Variants in PXYLP1 observed in about 807,000 individuals in gnomAD.
PXYLP1 encodes 2-phosphoxylose phosphatase 1.
Under a neutral mutation model 37.9 loss-of-function variants are expected in PXYLP1, and 17 were observed. The observed-to-expected ratio is 0.45, with a 90% CI of 0.31 to 0.67. The LOEUF is 0.67. Among genes scored for constraint, PXYLP1 ranks in the 30% least tolerant of loss-of-function variants. PXYLP1 has a pLI of 0.07. For missense variants in PXYLP1, 511 were observed against 612.0 expected, an observed-to-expected ratio of 0.84 and a Z score of 1.74; for synonymous variants, 221 against 232.2, an observed-to-expected ratio of 0.95 and a Z score of 0.44.
chr3:141,292,234 G>A lies in PXYLP1; in HGVS notation c.506-34G>A. The A allele has an allele frequency of 1.3e-6, 2 of 1,545,006 alleles. No individual in the cohort carries two copies. Among genetic ancestry groups the A allele is most frequent in the Admixed American group, 4.0e-5 (2 of 50,552 alleles). On this transcript the variant is annotated intron_variant, in intron 5 of 5. Coordinates refer to ENST00000286353, the MANE Select transcript of PXYLP1 (RefSeq NM_001037172.3). The surrounding 1 kb of genome is among the most constrained non-coding windows in gnomAD (Gnocchi z 4.3). Reference sequence around the variant, plus strand: ...CCTTGCTGTTTCTTTTGCTCAGCTGGAAGTAAGGTAAGCTTTGTGTGCTTG... The same window carrying A: ...CCTTGCTGTTTCTTTTGCTCAGCTGAAAGTAAGGTAAGCTTTGTGTGCTTG...
chr3:141,246,963 C>T (rs1006421749), intron 1 of PXYLP1, among the ~76,000 whole-genome samples: 3 of 152,240 alleles, frequency 2.0e-5, no homozygotes, highest in African/African-American at 7.2e-5. Context: ...CTCAGCTCAC[C>T]AGAGTCCTCC....
chr3:141,245,815 T>C (rs960033841), intron 1 of PXYLP1, among the ~76,000 whole-genome samples: 1 of 152,250 alleles, frequency 6.6e-6, no homozygotes, highest in Non-Finnish European at 1.5e-5. Flanking sequence ...ATATGGATAT[T>C]GTATACTCTG....
At chr3:141,273,834 G>T in intron 2 of PXYLP1, 1 of 985,288 alleles carries the variant, frequency 1.0e-6, no homozygotes, top group Non-Finnish European at 1.2e-6. Flanking sequence ...ATGCCCGTTG[G>T]TACAGAGTTA....
chr3:141,248,610 C>CACGTATATATACACACGT (rs1553751320), intron 1 of PXYLP1, among the ~76,000 whole-genome samples: 1 of 112,426 alleles, frequency 8.9e-6, no homozygotes, highest in Non-Finnish European at 1.8e-5. Flanking sequence ...TATATACACA[C>CACGTATATATACACACGT]GTATATATAC....
chr3:141,274,089 G>C, intron 2 of PXYLP1: 1 of 992,538 alleles, frequency 1.0e-6, no homozygotes, highest in Non-Finnish European at 1.2e-6. Flanking sequence ...CCACAGGACA[G>C]CTAGAGGCAC....
rs1248731642 is a variant in PXYLP1 at position 141,292,831 on chromosome 3, A to G, written c.1069A>G (p.Ile357Val). 2.7e-5 allele frequency: 43 copies of G among 1,613,670 alleles called. No homozygotes were observed. Among genetic ancestry groups the G allele is most frequent in the Non-Finnish European group, 3.6e-5 (42 of 1,179,906 alleles). Residue 357 changes from isoleucine to valine, a missense_variant, in exon 6 of 6, where the codon ATC becomes GTC. Physicochemically the swap from Ile to Val is conservative, Grantham distance 29. Coordinates refer to ENST00000286353, the MANE Select transcript of PXYLP1 (RefSeq NM_001037172.3). This position sits in a 1 kb window ranked among gnomAD's most constrained non-coding sequence, Gnocchi z 4.3. The stretch of plus-strand genomic sequence containing the variant: ...TGCCCACCCCATCCTGAACCAAACC[A>G]TCGGCCGGATGCAGCGTGCCACCGA... ...LGAHPILNQT[I>V]GRMQRATEGR...
At chr3:141,290,920 C>T (rs550527334) in intron 5 of PXYLP1, among the ~76,000 whole-genome samples, 1 of 152,310 alleles carries the variant, frequency 6.6e-6, no homozygotes, top group South Asian at 2.1e-4. Context: ...ATAGGCCCCG[C>T]AGTGAACTAG....
intron 4 of PXYLP1, among the ~76,000 whole-genome samples, chr3:141,286,871 A>G (rs140367186): frequency 8.1e-4 from 123 of 152,362 alleles, no homozygotes; most frequent in African/African-American, 2.8e-3. Flanking sequence ...GTGAGGATGA[A>G]GGAGAAGGGG....
intron 1 of PXYLP1, among the ~76,000 whole-genome samples, chr3:141,245,506 C>CT (rs1465545062): frequency 1.3e-5 from 2 of 152,222 alleles, no homozygotes; most frequent in African/African-American, 2.4e-5. Flanking sequence ...GACGTTTTCT[C>CT]TGTTCATTGC....
rs780095749 is a variant in PXYLP1 at position 141,278,479 on chromosome 3, G to A, written c.217G>A (p.Val73Met). The A allele has an allele frequency of 3.1e-5, 50 of 1,614,066 alleles. No homozygotes were observed. The highest frequency in any genetic ancestry group is 1.8e-4 in the East Asian group (8 of 44,892). ...TCTTTTGTACTGCAACATCCCCAGCGTGGCCGAGCGCAGCATGGAAGGTAG... is the reference window on the plus strand; with the variant it reads ...TCTTTTGTACTGCAACATCCCCAGCATGGCCGAGCGCAGCATGGAAGGTAG... ...EALLYCNIPS[V>M]AERSMEGHAP... The change falls in exon 3 of 6, where the codon GTG becomes ATG. Residue 73 changes from valine to methionine, a missense_variant. Coordinates refer to ENST00000286353, the MANE Select transcript of PXYLP1 (RefSeq NM_001037172.3).
intron 2 of PXYLP1, among the ~76,000 whole-genome samples, chr3:141,266,346 C>T (rs1370392865): frequency 1.3e-5 from 2 of 152,204 alleles, no homozygotes; most frequent in Non-Finnish European, 2.9e-5. Context: ...GCAGCTGAGT[C>T]GGGGCTGCCA....
chr3:141,278,343 C>A lies in PXYLP1; in HGVS notation c.81C>A (p.Phe27Leu), dbSNP rs1171816831. The A allele has an allele frequency of 1.9e-6, 3 of 1,614,058 alleles. No individual in the cohort carries two copies. The highest frequency in any genetic ancestry group is 2.5e-6 in the Non-Finnish European group (3 of 1,180,014). ...ACAACCTGCCTTACTTCGTTTCAGT[C>A]CACCTGATCCCGGTGTCGACTCCTA... ...LAFVSLSLQF[F>L]HLIPVSTPKN... Residue 27 changes from phenylalanine to leucine, a missense_variant and splice_region_variant, in exon 3 of 6, where the codon TTC becomes TTA. By Grantham distance (22) the Phe-to-Leu change is conservative. Transcript: ENST00000286353.
intron 1 of PXYLP1, among the ~76,000 whole-genome samples, chr3:141,255,832 A>G (rs1321070366): frequency 6.6e-6 from 1 of 152,226 alleles, no homozygotes; most frequent in African/African-American, 2.4e-5. Flanking sequence ...CTGGAGATTG[A>G]ACCACAGTGC....
chr3:141,237,861 C>T (rs1485292084), intron 1 of PXYLP1, among the ~76,000 whole-genome samples: 2 of 152,178 alleles, frequency 1.3e-5, no homozygotes, highest in African/African-American at 4.8e-5. Context: ...GGTGACCTTG[C>T]CAGCTCTTTG....
intron 2 of PXYLP1, among the ~76,000 whole-genome samples, chr3:141,271,382 G>T (rs1941659793): frequency 6.6e-6 from 1 of 152,210 alleles, no homozygotes; most frequent in African/African-American, 2.4e-5. Context: ...AAAAGTGACT[G>T]TAGTCCCCTA....
At chr3:141,251,052 A>G (rs1202562055) in intron 1 of PXYLP1, among the ~76,000 whole-genome samples, 1 of 152,254 alleles carries the variant, frequency 6.6e-6, no homozygotes, top group South Asian at 2.1e-4. Flanking sequence ...ACGCCTGTGC[A>G]CTTACTCATT....
intron 1 of PXYLP1, among the ~76,000 whole-genome samples, chr3:141,248,095 T>C (rs1293143239): frequency 6.9e-6 from 1 of 145,288 alleles, no homozygotes; most frequent in African/African-American, 2.5e-5. Flanking sequence ...CAATTTTGGC[T>C]CACTGCAACC....
intron 1 of PXYLP1, among the ~76,000 whole-genome samples, chr3:141,241,642 G>A (rs949106661): frequency 3.3e-5 from 5 of 152,232 alleles, no homozygotes; most frequent in Non-Finnish European, 5.9e-5. Flanking sequence ...ACAGCAAGTC[G>A]ACTGTGCCAG....
chr3:141,290,529 A>G (rs904683337), intron 5 of PXYLP1, among the ~76,000 whole-genome samples: 1 of 152,230 alleles, frequency 6.6e-6, no homozygotes, highest in Non-Finnish European at 1.5e-5. Context: ...GGAAAGCACT[A>G]CAGAGCAGGT....
Sources: gnomAD v4.1 joint callset for allele counts (sites outside exome capture counted in the v4.1 genomes callset) on GRCh38, gnomAD v4.1.1 for gene constraint, Gnocchi (gnomAD v3.1) non-coding constraint, MANE v1.5 for transcripts, NCBI Gene and HGNC (gene_info 2026-07-23, HGNC 2026-07-21) for gene names.